GABRB2: variants seen among roughly 807,000 people sequenced by gnomAD.
The protein encoded by GABRB2 is gamma-aminobutyric acid receptor subunit beta-2.
Under a neutral mutation model 54.7 loss-of-function variants are expected in GABRB2, and 16 were observed. That is an observed-to-expected ratio of 0.29 (90% CI 0.20 to 0.44). The LOEUF (loss-of-function observed/expected upper bound fraction) is 0.44. Among genes scored for constraint, GABRB2 ranks in the 20% least tolerant of loss-of-function variants. GABRB2 has a pLI of 1.00. For missense variants in GABRB2, 355 were observed against 644.0 expected (o/e 0.55, Z 4.86); for synonymous variants, 244 against 233.8 (o/e 1.04, Z -0.40).
chr5:161,363,645 T>C (rs1754886434), intron 5 of GABRB2, among the ~76,000 whole-genome samples: 2 of 152,060 alleles, frequency 1.3e-5, no homozygotes, highest in Admixed American at 1.3e-4. Flanking sequence ...TAGGCTTCAG[T>C]GAGCTATGAT....
intron 9 of GABRB2, among the ~76,000 whole-genome samples, chr5:161,322,525 T>C (rs987750985): frequency 6.6e-6 from 1 of 152,196 alleles, no homozygotes; most frequent in Non-Finnish European, 1.5e-5. Context: ...TGTGAATCAC[T>C]GTGCCCGGAG....
intron 3 of GABRB2, among the ~76,000 whole-genome samples, chr5:161,482,037 C>T (rs540760908): frequency 6.6e-6 from 1 of 152,088 alleles, no homozygotes; most frequent in African/African-American, 2.4e-5. Context: ...ACCACACAGC[C>T]ACTTCAAGGC....
At chr5:161,419,385 T>C (rs1048627360) in intron 4 of GABRB2, among the ~76,000 whole-genome samples, 2 of 152,178 alleles carry the variant, frequency 1.3e-5, no homozygotes, top group East Asian at 3.9e-4. Context: ...ATAACCTTTA[T>C]GAAAAACAGT....
At chr5:161,315,207 A>G (rs560561790) in intron 9 of GABRB2, among the ~76,000 whole-genome samples, 72 of 152,334 alleles carry the variant, frequency 4.7e-4, no homozygotes, top group African/African-American at 1.7e-3. Context: ...TTCTGACAGA[A>G]TAAATATGTT....
chr5:161,328,918 T>C (rs1753741482), intron 8 of GABRB2, among the ~76,000 whole-genome samples: 1 of 152,142 alleles, frequency 6.6e-6, no homozygotes, highest in African/African-American at 2.4e-5. Flanking sequence ...CTAAATAATC[T>C]CTGGTATCTT....
At chr5:161,519,617 GATTA>G (rs1489025208) in intron 3 of GABRB2, among the ~76,000 whole-genome samples, 1 of 151,974 alleles carries the variant, frequency 6.6e-6, no homozygotes, top group Non-Finnish European at 1.5e-5. Context: ...AAAAATTGAG[GATTA>G]ATTAAAGCAT....
chr5:161,307,783 G>A (rs1274551593), intron 9 of GABRB2, among the ~76,000 whole-genome samples: 5 of 151,806 alleles, frequency 3.3e-5, no homozygotes, highest in Admixed American at 3.3e-4. Flanking sequence ...CCATTGCTAT[G>A]GATACTTGCA....
intron 4 of GABRB2, among the ~76,000 whole-genome samples, chr5:161,429,640 G>C (rs940091989): frequency 1.3e-5 from 2 of 152,082 alleles, no homozygotes; most frequent in African/African-American, 4.8e-5. Flanking sequence ...GTAAACAATA[G>C]TTGACTTTAA....
chr5:161,359,314 T>G (rs1044137403), intron 5 of GABRB2, among the ~76,000 whole-genome samples: 7 of 152,326 alleles, frequency 4.6e-5, no homozygotes, highest in African/African-American at 1.7e-4. Flanking sequence ...AGAGTTGACA[T>G]AGTTGTAAGA....
intron 7 of GABRB2, among the ~76,000 whole-genome samples, chr5:161,332,036 G>A (rs942906256): frequency 6.6e-6 from 1 of 151,744 alleles, no homozygotes; most frequent in African/African-American, 2.4e-5. Context: ...CGTGATGGCG[G>A]GCGCCTGTAG....
chr5:161,471,663 G>T (rs1159819150), intron 3 of GABRB2, among the ~76,000 whole-genome samples: 1 of 151,920 alleles, frequency 6.6e-6, no homozygotes, highest in African/African-American at 2.4e-5. Context: ...TAACGGGACT[G>T]GTTCTAAGGA....
chr5:161,545,259 C>T lies in GABRB2; in HGVS notation c.205G>A (p.Ala69Thr). 6.2e-7 allele frequency: 1 copy of T among 1,608,894 alleles called. No homozygotes were observed. The highest frequency in any genetic ancestry group is 1.1e-5 in the South Asian group (1 of 90,256). ...ACTTCAGAAACCATATCGATGCTGG[C>T]AATGTCAATGTTCATCCCCACAGCC... ...PVAVGMNIDIASIDMVSEVNM... is the reference protein window; with the variant it reads ...PVAVGMNIDITSIDMVSEVNM... Residue 69 changes from alanine (A) to threonine (T), a missense_variant, in exon 3 of 10, where the codon GCC becomes ACC. By Grantham distance (58) the Ala-to-Thr change is moderately conservative. Transcript: ENST00000393959.
chr5:161,444,727 T>G (rs907035994), intron 4 of GABRB2, among the ~76,000 whole-genome samples: 2 of 152,154 alleles, frequency 1.3e-5, no homozygotes, highest in African/African-American at 4.8e-5. Context: ...TTCTTACCAA[T>G]ACAGTGAAAT....
At chr5:161,492,730 A>G (rs1759120080) in intron 3 of GABRB2, among the ~76,000 whole-genome samples, 1 of 151,670 alleles carries the variant, frequency 6.6e-6, no homozygotes, top group Admixed American at 6.6e-5. Flanking sequence ...CTACACCACA[A>G]AAGGTACCCA....
At chr5:161,500,306 T>G (rs977304705) in intron 3 of GABRB2, among the ~76,000 whole-genome samples, 10 of 152,140 alleles carry the variant, frequency 6.6e-5, no homozygotes, top group African/African-American at 2.4e-4. Context: ...TTTCTCCTTT[T>G]TTCATTCTTT....
intron 5 of GABRB2, among the ~76,000 whole-genome samples, chr5:161,397,008 A>G (rs144683301): frequency 1.6e-4 from 25 of 152,344 alleles, no homozygotes; most frequent in African/African-American, 5.8e-4. Flanking sequence ...GTAGCACAAA[A>G]TGACATTCTG....
intron 3 of GABRB2, among the ~76,000 whole-genome samples, chr5:161,496,355 CTAGT>C (rs1561671584): frequency 6.6e-6 from 1 of 151,946 alleles, no homozygotes; most frequent in Non-Finnish European, 1.5e-5. Context: ...TATTTAGTCT[CTAGT>C]TAAGATTATT....
intron 3 of GABRB2, among the ~76,000 whole-genome samples, chr5:161,484,637 G>A (rs940534651): frequency 6.6e-6 from 1 of 151,772 alleles, no homozygotes; most frequent in African/African-American, 2.4e-5. Context: ...AAACATAAAG[G>A]GACATCCAAG....
intron 3 of GABRB2, among the ~76,000 whole-genome samples, chr5:161,517,729 G>A (rs1250914674): frequency 1.3e-5 from 2 of 152,060 alleles, no homozygotes; most frequent in Non-Finnish European, 2.9e-5. Context: ...CAATTTAAAG[G>A]GCCAAATCTA....
Sources: gnomAD v4.1 joint callset for allele counts (sites outside exome capture counted in the v4.1 genomes callset) on GRCh38, gnomAD v4.1.1 for gene constraint, MANE v1.5 for transcripts, NCBI Gene and HGNC (gene_info 2026-07-23, HGNC 2026-07-21) for gene names.